The following CRISPLD2 variants were observed in gnomAD, a reference collection of about 807,000 sequenced individuals.
CRISPLD2 encodes cysteine-rich secretory protein LCCL domain-containing 2.
Under a neutral mutation model 71.1 loss-of-function variants are expected in CRISPLD2, and 47 were observed. The observed-to-expected ratio is 0.66, with a 90% confidence interval of 0.52 to 0.84. The LOEUF is 0.84. Among genes scored for constraint, CRISPLD2 ranks in the 40% least tolerant of loss-of-function variants. The probability of loss-of-function intolerance (pLI) is 0.00; values close to 1 mark genes in which losing one functional copy is unlikely to be tolerated. For missense variants in CRISPLD2, 830 were observed against 651.1 expected (o/e 1.27, Z -2.99); for synonymous variants, 317 against 250.1 (o/e 1.27, Z -2.52).
intron 14 of CRISPLD2, among the ~76,000 whole-genome samples, chr16:84,890,805 A>T (rs1244991264): frequency 6.6e-6 from 1 of 152,154 alleles, no homozygotes; most frequent in Non-Finnish European, 1.5e-5. Context: ...CAAAAAAAAG[A>T]AAAAAAGACC....
At position 84,838,929 on chromosome 16, in the gene CRISPLD2, C is replaced by T. The variant is rs1373404122; in HGVS notation, c.240+194C>T. 1.8e-5 allele frequency: 14 copies of T among 782,364 alleles called. No individual in the cohort carries two copies. The East Asian group carries it at 3.8e-4, about 21-fold the overall frequency. The allele number at this position is 782,364 out of a possible 1,614,324, so 48.5% of individuals were successfully genotyped here. A position where few individuals can be genotyped will look rare whatever the true frequency, so the allele number is the denominator to read the frequency against. ...TTTGAGACAGGGTCTCACTCTGCCA[C>T]TGACGCTGGAGTGCAATGGCACAAT... is the stretch of plus-strand genomic sequence containing the variant. On this transcript the variant is annotated intron_variant, in intron 2 of 14. Coordinates refer to ENST00000262424, the MANE Select transcript of CRISPLD2 (RefSeq NM_031476.4).
chr16:84,860,715 T>G (rs1917356091), intron 6 of CRISPLD2, among the ~76,000 whole-genome samples: 1 of 152,142 alleles, frequency 6.6e-6, no homozygotes, highest in South Asian at 2.1e-4. Flanking sequence ...CTCCCACACT[T>G]CCCCATTCTT....
chr16:84,893,469 C>T (rs1035991632), intron 14 of CRISPLD2, among the ~76,000 whole-genome samples: 5 of 152,216 alleles, frequency 3.3e-5, no homozygotes, highest in African/African-American at 9.6e-5. Flanking sequence ...TTCCAACGCT[C>T]ACTCCATGCA....
In CRISPLD2 at chr16:84,898,753, T is replaced by C. The variant is rs369997624; in HGVS notation, c.1440-7835T>C. 2.8e-4 allele frequency among the ~76,000 whole-genome samples: 42 copies of C among 152,314 alleles called. No individual in the cohort carries two copies. The South Asian group carries it at 8.3e-3, about 30-fold the overall frequency. On this transcript the variant is annotated intron_variant, in intron 14 of 14. Transcript: ENST00000262424. ...TGCCCAGCACTTGGCACATAGCAGG[T>C]GCTCAGTAAACACTGGTTGAATGAG...
intron 1 of CRISPLD2, chr16:84,836,090 A>C (rs1938997168): frequency 6.6e-6 from 1 of 152,226 alleles, no homozygotes; most frequent in South Asian, 2.1e-4. Flanking sequence ...TGTTCCATGC[A>C]CAAAATTATT....
chr16:84,856,906 G>C (rs1260957937), intron 6 of CRISPLD2, among the ~76,000 whole-genome samples: 1 of 152,216 alleles, frequency 6.6e-6, no homozygotes, highest in Admixed American at 6.5e-5. Flanking sequence ...CGGTGGATAT[G>C]GCATTCTGTG....
intron 6 of CRISPLD2, 36 bp downstream of exon 6, chr16:84,854,865 T>C (rs757199722): frequency 6.6e-7 from 1 of 1,506,492 alleles, no homozygotes; most frequent in Non-Finnish European, 9.2e-7. Context: ...TGCAATGAAT[T>C]TGCCCTCAGT....
In CRISPLD2 at chr16:84,907,044, C is replaced by T. The variant is rs2071809082; in HGVS notation, c.*402C>T. 1 of 223,020 alleles carries T rather than the reference C, an allele frequency of 4.5e-6. No individual in the cohort carries two copies. The highest frequency in any genetic ancestry group is 9.0e-6 in the Non-Finnish European group (1 of 111,162). 13.8% of individuals were successfully genotyped at this position (223,020 alleles called of 1,614,324 possible). ...TTGAAGCTCACAATTGTGAAGCATT[C>T]ACGGCGTCGGAAGAGGCCTTTTGAG... On this transcript the variant is annotated 3_prime_UTR_variant, in exon 15 of 15. Coordinates refer to ENST00000262424, the MANE Select transcript of CRISPLD2 (RefSeq NM_031476.4).
Position 84,909,350 on chromosome 16 carries a change from G to C in CRISPLD2, c.*2708G>C, listed in dbSNP as rs1033832547. Reference sequence around the variant, plus strand: ...AATGATGTATTTTGCTACTTCCTGTGTACAAAGTTTTATTGTAAATGTTTT... The same window carrying C: ...AATGATGTATTTTGCTACTTCCTGTCTACAAAGTTTTATTGTAAATGTTTT... On this transcript the variant is annotated 3_prime_UTR_variant, in exon 15 of 15. Coordinates refer to ENST00000262424, the MANE Select transcript of CRISPLD2 (RefSeq NM_031476.4). 6.6e-6 allele frequency: 1 copy of C among 152,638 alleles called. No homozygotes were observed. Among genetic ancestry groups the C allele is most frequent in the South Asian group, 2.1e-4 (1 of 4,834 alleles). The allele number at this position is 152,638 out of a possible 1,614,324, so 9.5% of individuals were successfully genotyped here.
rs1256089083 is a variant in CRISPLD2, at chr16:84,907,793, C to G, written c.*1151C>G. ...CATGACAGCGAGAGATGGGAATACA[C>G]TAGAAGGATCTCTTTTCCTGTTTTC... is the stretch of plus-strand genomic sequence containing the variant. On this transcript the variant is annotated 3_prime_UTR_variant, in exon 15 of 15. Coordinates refer to ENST00000262424, the MANE Select transcript of CRISPLD2 (RefSeq NM_031476.4). 6.6e-6 allele frequency: 1 copy of G among 152,124 alleles called. No homozygotes were observed. Among genetic ancestry groups the G allele is most frequent in the African/African-American group, 2.4e-5 (1 of 41,424 alleles). The allele number at this position is 152,124 out of a possible 1,614,324, so 9.4% of individuals were successfully genotyped here. A position where few individuals can be genotyped will look rare whatever the true frequency, so the allele number is the denominator to read the frequency against.
chr16:84,906,483 T>TAC, intron 14 of CRISPLD2, 105 bp from the exon 15 acceptor site: 1 of 1,167,164 alleles, frequency 8.6e-7, no homozygotes, highest in Non-Finnish European at 1.2e-6. Flanking sequence ...GCTCTTCCAC[T>TAC]ACGGGAGCAA....
chr16:84,827,252 G>C (rs1169627733), intron 1 of CRISPLD2, among the ~76,000 whole-genome samples: 4 of 152,116 alleles, frequency 2.6e-5, no homozygotes. Context: ...GGCCCCTTCT[G>C]TTGGTTGAGC....
intron 1 of CRISPLD2, among the ~76,000 whole-genome samples, chr16:84,821,867 C>G (rs1916238798): frequency 6.6e-6 from 1 of 152,238 alleles, no homozygotes; most frequent in Admixed American, 6.5e-5. Context: ...ACTGCCTGCT[C>G]TATTAGCTGG....
At chr16:84,822,982 C>T (rs892841141) in intron 1 of CRISPLD2, among the ~76,000 whole-genome samples, 3 of 152,222 alleles carry the variant, frequency 2.0e-5, no homozygotes, top group Admixed American at 6.5e-5. Flanking sequence ...AGCGTTTCAT[C>T]ATCTCGTAAG....
At chr16:84,874,668 T>C (rs2071502892) in intron 11 of CRISPLD2, among the ~76,000 whole-genome samples, 1 of 152,252 alleles carries the variant, frequency 6.6e-6, no homozygotes, top group African/African-American at 2.4e-5. Context: ...GCAAAAGTTC[T>C]AGTTAGATAT....
chr16:84,866,351 A>G (rs906113170), intron 6 of CRISPLD2, among the ~76,000 whole-genome samples: 9 of 151,438 alleles, frequency 5.9e-5, no homozygotes, highest in African/African-American at 2.2e-4. Flanking sequence ...CTCCTGCCTC[A>G]GCACCCCCCA....
At chr16:84,858,659 A>G (rs942229763) in intron 6 of CRISPLD2, among the ~76,000 whole-genome samples, 2 of 152,358 alleles carry the variant, frequency 1.3e-5, no homozygotes, top group South Asian at 2.1e-4. Context: ...AGCGAAAGCA[A>G]TCAAGTTCTC....
At chr16:84,850,378 C>T (rs545600921) in intron 4 of CRISPLD2, among the ~76,000 whole-genome samples, 190 bp from the exon 5 acceptor site, 3 of 152,244 alleles carry the variant, frequency 2.0e-5, no homozygotes, top group Admixed American at 6.5e-5. Flanking sequence ...CGTGAGCCAC[C>T]GCACCGGCCC....
At chr16:84,893,554 CTGCCGTCATGGGATT>C (rs1312114880) in intron 14 of CRISPLD2, among the ~76,000 whole-genome samples, 1 of 152,264 alleles carries the variant, frequency 6.6e-6, no homozygotes, top group Non-Finnish European at 1.5e-5. Context: ...CAGCAGACCT[CTGCCGTCATGGGATT>C]TGCCATCTAG....
Sources: allele counts gnomAD v4.1 joint callset (sites outside exome capture counted in the v4.1 genomes callset), GRCh38; gene constraint gnomAD v4.1.1; transcripts MANE v1.5; gene names NCBI Gene and HGNC (gene_info 2026-07-23, HGNC 2026-07-21).